DTNB: variants seen among roughly 807,000 people sequenced by gnomAD.
The protein encoded by DTNB is dystrobrevin beta.
A neutral mutation model predicts 90.7 loss-of-function variants in DTNB; 63 were observed. That is an observed-to-expected ratio of 0.69 (90% confidence interval 0.57 to 0.86). DTNB has a LOEUF of 0.86. DTNB is among the 40% of genes least tolerant of loss of function. The pLI is 0.00. For synonymous variants in DTNB, 277 were observed against 286.7 expected (o/e 0.97, Z 0.34); for missense variants, 744 against 807.1 (o/e 0.92, Z 0.95).
intron 4 of DTNB, among the ~76,000 whole-genome samples, chr2:25,616,171 C>T (rs2070422921): frequency 6.6e-6 from 1 of 152,172 alleles, no homozygotes; most frequent in Admixed American, 6.5e-5. Context: ...TGCAGACAGA[C>T]AGGAAAGTGT....
intron 9 of DTNB, among the ~76,000 whole-genome samples, chr2:25,526,395 A>ATATATATATTTTTTTT: frequency 4.0e-5 from 2 of 49,828 alleles, no homozygotes; most frequent in African/African-American, 2.0e-4. Context: ...ATATATATAT[A>ATATATATATTTTTTTT]TTTTTTTTTT....
intron 3 of DTNB, among the ~76,000 whole-genome samples, chr2:25,637,582 T>A (rs1161678178): frequency 1.3e-5 from 2 of 152,164 alleles, no homozygotes; most frequent in African/African-American, 4.8e-5. Context: ...AGAAAACATT[T>A]ATGCAGCCAA....
intron 16 of DTNB, among the ~76,000 whole-genome samples, chr2:25,411,397 A>G (rs1253464550): frequency 6.6e-6 from 1 of 152,026 alleles, no homozygotes; most frequent in Non-Finnish European, 1.5e-5. Flanking sequence ...ACCTATTTTT[A>G]GTATTATAGT....
intron 8 of DTNB, among the ~76,000 whole-genome samples, chr2:25,533,959 T>C (rs2078802748): frequency 6.6e-6 from 1 of 151,362 alleles, no homozygotes; most frequent in Admixed American, 6.6e-5. Flanking sequence ...TTTATTTATT[T>C]ATTTATTTAT....
At chr2:25,521,888 C>T (rs1337763496) in intron 9 of DTNB, among the ~76,000 whole-genome samples, 1 of 152,224 alleles carries the variant, frequency 6.6e-6, no homozygotes, top group Non-Finnish European at 1.5e-5. Context: ...ACACTGGGCT[C>T]TTTCTCGCTA....
chr2:25,667,746 C>T (rs934170255), intron 1 of DTNB, among the ~76,000 whole-genome samples: 8 of 152,120 alleles, frequency 5.3e-5, no homozygotes, highest in African/African-American at 1.9e-4. Flanking sequence ...TACCATTCGA[C>T]CCAGCAATCA....
chr2:25,650,239 A>G (rs2080569343), intron 2 of DTNB: 2 of 985,254 alleles, frequency 2.0e-6, no homozygotes, highest in African/African-American at 3.5e-5. Flanking sequence ...TTGGTTTCCT[A>G]TTTTGTCTGC....
intron 12 of DTNB, among the ~76,000 whole-genome samples, chr2:25,441,744 T>C (rs746154500): frequency 1.3e-5 from 2 of 152,310 alleles, no homozygotes; most frequent in Non-Finnish European, 2.9e-5. Flanking sequence ...GTTCCAAATC[T>C]GTATCAAATT....
intron 12 of DTNB, among the ~76,000 whole-genome samples, chr2:25,436,614 A>G (rs2055858377): frequency 6.6e-6 from 1 of 152,144 alleles, no homozygotes; most frequent in Non-Finnish European, 1.5e-5. Context: ...TTACCAAATT[A>G]TCAAGTGTTT....
chr2:25,432,994 A>AT lies in DTNB; in HGVS notation c.1348dup (p.Ile450AsnfsTer21). On this transcript the variant is annotated frameshift_variant, in exon 14 of 21. Transcript: ENST00000406818. LOFTEE classifies it high-confidence loss of function. Reference sequence around the variant, plus strand: ...GCGGAGACGCTGAATCTCCTGCAGGATCTCTCTAGAGAGGATGGGTGAACG... The same window carrying AT: ...GCGGAGACGCTGAATCTCCTGCAGGATTCTCTCTAGAGAGGATGGGTGAACG... 1 of 1,604,198 alleles carries AT rather than the reference A, an allele frequency of 6.2e-7. No individual in the cohort carries two copies. The highest frequency in any genetic ancestry group is 1.1e-5 in the South Asian group (1 of 89,016).
intron 2 of DTNB, among the ~76,000 whole-genome samples, chr2:25,641,185 A>T (rs2078226354): frequency 6.6e-6 from 1 of 152,174 alleles, no homozygotes; most frequent in Admixed American, 6.5e-5. Flanking sequence ...GGGTACAGAG[A>T]TTAGTAGGAT....
intron 4 of DTNB, among the ~76,000 whole-genome samples, chr2:25,614,668 A>C (rs978427931): frequency 2.0e-5 from 3 of 152,238 alleles, no homozygotes; most frequent in Non-Finnish European, 4.4e-5. Context: ...TGTTCATAAA[A>C]TGGAAGGTTC....
At chr2:25,570,014 T>C (rs968169069) in intron 8 of DTNB, among the ~76,000 whole-genome samples, 1 of 151,326 alleles carries the variant, frequency 6.6e-6, no homozygotes, top group African/African-American at 2.4e-5. Flanking sequence ...GGAGAATCAC[T>C]TGAACCTGGG....
At chr2:25,634,442 A>T (rs1421585197) in intron 3 of DTNB, among the ~76,000 whole-genome samples, 1 of 146,770 alleles carries the variant, frequency 6.8e-6, no homozygotes, top group Non-Finnish European at 1.5e-5. Flanking sequence ...TGGGGGGGTC[A>T]GCCCCCCGCC....
At chr2:25,472,184 C>T (rs1220717235) in intron 10 of DTNB, among the ~76,000 whole-genome samples, 1 of 152,246 alleles carries the variant, frequency 6.6e-6, no homozygotes, top group African/African-American at 2.4e-5. Flanking sequence ...GCATCGAACA[C>T]ACAGCTACTA....
intron 9 of DTNB, among the ~76,000 whole-genome samples, chr2:25,526,390 TATA>T (rs1243466310): frequency 0.036 from 2,366 of 66,072 alleles, 49 homozygotes; most frequent in South Asian, 0.072. Flanking sequence ...TATATATATA[TATA>T]TATTTTTTTT....
intron 8 of DTNB, among the ~76,000 whole-genome samples, chr2:25,542,507 G>T (rs941407567): frequency 6.6e-5 from 10 of 152,022 alleles, no homozygotes; most frequent in African/African-American, 1.4e-4. Flanking sequence ...TAAGACTTTG[G>T]TACCAATGTT....
intron 19 of DTNB, among the ~76,000 whole-genome samples, chr2:25,382,519 CTTTTTTTTTTT>C (rs3041261): frequency 1.4e-4 from 10 of 72,010 alleles, no homozygotes; most frequent in South Asian, 7.3e-4. Flanking sequence ...AGTTCTCTGC[CTTTTTTTTTTT>C]TTTTTTTTTT....
At chr2:25,497,356 C>G (rs557724195) in intron 9 of DTNB, 1 of 152,224 alleles carries the variant, frequency 6.6e-6, no homozygotes, top group Non-Finnish European at 1.5e-5. Context: ...ACCCGGTCAG[C>G]AATTCCATTC....
Sources: gnomAD v4.1 joint callset for allele counts (sites outside exome capture counted in the v4.1 genomes callset) on GRCh38, gnomAD v4.1.1 for gene constraint, MANE v1.5 for transcripts, NCBI Gene and HGNC (gene_info 2026-07-23, HGNC 2026-07-21) for gene names.